The following MSRA variants were observed in gnomAD, a reference collection of about 807,000 sequenced individuals.
The protein encoded by MSRA is methionine sulfoxide reductase A, also known as mitochondrial peptide methionine sulfoxide reductase.
In MSRA, 54 loss-of-function variants were observed where a neutral mutation model predicts 31.3. The observed-to-expected ratio is 1.73, with a 90% confidence interval of 1.39 to 2.17. MSRA has a LOEUF of 2.17. Ranked by LOEUF, MSRA falls within the 30% of genes most tolerant of loss-of-function variation. The probability of loss-of-function intolerance (pLI) is 0.00; values close to 1 mark genes in which losing one functional copy is unlikely to be tolerated. For missense variants in MSRA, 507 were observed against 300.9 expected, an observed-to-expected ratio of 1.69 and a Z score of -5.07; for synonymous variants, 169 against 116.5, an observed-to-expected ratio of 1.45 and a Z score of -2.90.
At chr8:10,307,954 C>T (rs778927596) in intron 4 of MSRA, among the ~76,000 whole-genome samples, 6 of 152,184 alleles carry the variant, frequency 3.9e-5, no homozygotes, top group Admixed American at 1.3e-4. Flanking sequence ...GAAGTGACAG[C>T]GTGCAGCTTC....
intron 5 of MSRA, among the ~76,000 whole-genome samples, chr8:10,339,531 CTTTTTTTT>C (rs774034241): frequency 5.5e-4 from 40 of 72,812 alleles, no homozygotes; most frequent in East Asian, 7.2e-4. Context: ...TTCTTTCTTT[CTTTTTTTT>C]TTTTTTTTTT....
chr8:10,389,597 C>G (rs1806605634), intron 5 of MSRA, among the ~76,000 whole-genome samples: 1 of 152,210 alleles, frequency 6.6e-6, no homozygotes, highest in Admixed American at 6.5e-5. Context: ...GGCATCTTTT[C>G]TCTTCTGCCC....
chr8:10,296,109 G>A (rs1800527966), intron 3 of MSRA, among the ~76,000 whole-genome samples: 1 of 152,118 alleles, frequency 6.6e-6, no homozygotes, highest in Non-Finnish European at 1.5e-5. Context: ...GCCTTTCTAG[G>A]GTGTGGATGA....
At chr8:10,225,489 T>C (rs1810914600) in intron 2 of MSRA, among the ~76,000 whole-genome samples, 1 of 152,236 alleles carries the variant, frequency 6.6e-6, no homozygotes, top group African/African-American at 2.4e-5. Context: ...TCACGTTCTT[T>C]ACATTGTCGA....
At chr8:10,212,507 C>G (rs888524289) in intron 2 of MSRA, among the ~76,000 whole-genome samples, 1 of 152,148 alleles carries the variant, frequency 6.6e-6, no homozygotes, top group Non-Finnish European at 1.5e-5. Flanking sequence ...GTCACATCCA[C>G]ACTAGTAGTT....
chr8:10,244,785 T>G (rs1338508426), intron 2 of MSRA, among the ~76,000 whole-genome samples: 1 of 152,204 alleles, frequency 6.6e-6, no homozygotes, highest in Non-Finnish European at 1.5e-5. Flanking sequence ...ATGAATTGGA[T>G]GTGGAAATAT....
intron 3 of MSRA, among the ~76,000 whole-genome samples, chr8:10,262,919 C>G (rs183364459): frequency 6.6e-6 from 1 of 152,074 alleles, no homozygotes; most frequent in Non-Finnish European, 1.5e-5. Context: ...CATTTTTTGC[C>G]GTGTTGGTCA....
chr8:10,087,296 A>G (rs1247869023), intron 1 of MSRA, among the ~76,000 whole-genome samples: 4 of 151,966 alleles, frequency 2.6e-5, no homozygotes, highest in African/African-American at 9.7e-5. Context: ...CTGGGAGAGC[A>G]TGTCTGTGCT....
intron 5 of MSRA, among the ~76,000 whole-genome samples, chr8:10,324,437 GGGACGGCCACGGAACA>G (rs1802245698): frequency 2.0e-5 from 3 of 152,128 alleles, no homozygotes; most frequent in Non-Finnish European, 4.4e-5. Flanking sequence ...CATGGAACAT[GGGACGGCCACGGAACA>G]TGGGTTCCTG....
At chr8:10,428,032 A>G (rs566315625) in intron 5 of MSRA, 116 bp from the exon 6 acceptor site, 29 of 1,133,718 alleles carry the variant, frequency 2.6e-5, no homozygotes, top group African/African-American at 2.5e-4. Flanking sequence ...AAGGGGACCC[A>G]CTGCACATCC....
chr8:10,428,607 T>G lies in MSRA; in HGVS notation c.*295T>G. 2.8e-6 allele frequency: 1 copy of G among 361,462 alleles called. No individual in the cohort carries two copies. Among genetic ancestry groups the G allele is most frequent in the South Asian group, 2.7e-5 (1 of 36,974 alleles). 22.4% of individuals were successfully genotyped at this position (361,462 alleles called of 1,614,324 possible). A position where few individuals can be genotyped will look rare whatever the true frequency, so the allele number is the denominator to read the frequency against. ...TCACCCTTCTTGGTAGAAGCTAAGG[T>G]GTGAGCTGGGAGGTTGCTGGACAGG... On this transcript the variant is annotated 3_prime_UTR_variant, in exon 6 of 6. Transcript: ENST00000317173.
chr8:10,280,337 AT>A (rs1205312594), intron 3 of MSRA, among the ~76,000 whole-genome samples: 1 of 147,434 alleles, frequency 6.8e-6, no homozygotes, highest in African/African-American at 2.5e-5. Flanking sequence ...TTTTGTTGAT[AT>A]TTTTTACTTT....
At chr8:10,276,365 G>A (rs960689136) in intron 3 of MSRA, among the ~76,000 whole-genome samples, 7 of 152,138 alleles carry the variant, frequency 4.6e-5, no homozygotes, top group Non-Finnish European at 1.0e-4. Flanking sequence ...TCAGTTTCTT[G>A]CAATTTCCTT....
intron 5 of MSRA, among the ~76,000 whole-genome samples, chr8:10,427,041 C>T (rs910194070): frequency 3.9e-5 from 6 of 151,972 alleles, no homozygotes; most frequent in Non-Finnish European, 5.9e-5. Flanking sequence ...TCAAGAAAAA[C>T]CTGACGCAGT....
At chr8:10,136,438 C>T (rs1176242820) in intron 1 of MSRA, among the ~76,000 whole-genome samples, 10 of 152,178 alleles carry the variant, frequency 6.6e-5, no homozygotes, top group East Asian at 1.9e-4. Context: ...ATTCCTCTCT[C>T]GTACGCAAGA....
rs77479849 is a variant in MSRA, at chr8:10,410,061, T to G, written c.544-18087T>G. Among the ~76,000 whole-genome samples, 562 of 152,298 alleles carry G rather than the reference T, an allele frequency of 3.7e-3. 11 individuals are homozygous for G. The highest frequency in any genetic ancestry group is 0.033 in the Admixed American group (504 of 15,304). ...GGTTACAGAGCAAGACCTTGTCTAT[T>G]ATTTTTAAAGATATTTCTTCGTAGA... On this transcript the variant is annotated intron_variant, in intron 5 of 5. Coordinates refer to ENST00000317173, the MANE Select transcript of MSRA (RefSeq NM_012331.5).
At chr8:10,377,047 C>T (rs937949170) in intron 5 of MSRA, among the ~76,000 whole-genome samples, 8 of 152,226 alleles carry the variant, frequency 5.3e-5, no homozygotes, top group South Asian at 4.1e-4. Flanking sequence ...TCAGGTTCCT[C>T]ATCTGAGAAA....
At chr8:10,376,721 A>G (rs1236146559) in intron 5 of MSRA, among the ~76,000 whole-genome samples, 1 of 152,194 alleles carries the variant, frequency 6.6e-6, no homozygotes, top group African/African-American at 2.4e-5. Flanking sequence ...AACTCTTAGA[A>G]CTACCAGTGT....
chr8:10,083,116 C>G (rs1164290904), intron 1 of MSRA, among the ~76,000 whole-genome samples: 1 of 152,166 alleles, frequency 6.6e-6, no homozygotes, highest in Non-Finnish European at 1.5e-5. Context: ...TTGTGACTCT[C>G]ATCCAACTTA....
Sources: gnomAD v4.1 joint callset for allele counts (sites outside exome capture counted in the v4.1 genomes callset) on GRCh38, gnomAD v4.1.1 for gene constraint, MANE v1.5 for transcripts, NCBI Gene and HGNC (gene_info 2026-07-23, HGNC 2026-07-21) for gene names.